Variants in THSD4 observed in about 807,000 individuals in gnomAD.
THSD4 encodes thrombospondin type 1 domain containing 4, also known as thrombospondin type-1 domain-containing protein 4.
A neutral mutation model predicts 119.0 loss-of-function variants in THSD4; 69 were observed. The ratio of observed to expected loss-of-function variants is 0.58; its 90% CI spans 0.48 to 0.71. The LOEUF is 0.71. Ranked by LOEUF, THSD4 falls within the 30% of genes least tolerant of loss-of-function variation. The pLI is 0.00. For missense variants in THSD4, 1,393 were observed against 1,391.1 expected, an observed-to-expected ratio of 1.00 and a Z score of -0.02; for synonymous variants, 524 against 540.4, an observed-to-expected ratio of 0.97 and a Z score of 0.42.
At chr15:71,171,772 C>G (rs1219806448) in intron 3 of THSD4, among the ~76,000 whole-genome samples, 4 of 152,086 alleles carry the variant, frequency 2.6e-5, no homozygotes, top group African/African-American at 9.7e-5. Flanking sequence ...AGGTGAAAAA[C>G]TTGTCCAATG....
At position 71,141,481 on chromosome 15, in the gene THSD4, G is replaced by T; in HGVS notation, c.-47G>T. On this transcript the variant is annotated 5_prime_UTR_variant, in exon 2 of 18. Coordinates refer to ENST00000261862, the MANE Select transcript of THSD4 (RefSeq NM_024817.3). ...ACGCAACTCCCAATTGCAGAAAATT[G>T]GCAACGTCTCTGAAGAGCCCTTGCT... The T allele has an allele frequency of 6.4e-7, 1 of 1,567,642 alleles. No individual in the cohort carries two copies. Among genetic ancestry groups the T allele is most frequent in the Non-Finnish European group, 8.6e-7 (1 of 1,159,348 alleles).
chr15:71,445,231 A>G (rs1213790042), intron 7 of THSD4, among the ~76,000 whole-genome samples: 1 of 152,014 alleles, frequency 6.6e-6, no homozygotes, highest in Non-Finnish European at 1.5e-5. Flanking sequence ...TCGTGCCCCA[A>G]ATAGACCTCT....
At chr15:71,575,213 G>T (rs1295211860) in intron 7 of THSD4, among the ~76,000 whole-genome samples, 1 of 152,084 alleles carries the variant, frequency 6.6e-6, no homozygotes, top group Non-Finnish European at 1.5e-5. Context: ...GGAAGCCAAT[G>T]GATTTCTCTC....
At chr15:71,097,784 T>C (rs2040237628) in intron 1 of THSD4, among the ~76,000 whole-genome samples, 1 of 151,626 alleles carries the variant, frequency 6.6e-6, no homozygotes, top group East Asian at 1.9e-4. Flanking sequence ...CAATCTGTAA[T>C]GTTCATTGCT....
In THSD4 at chr15:71,728,674, G is replaced by T; in HGVS notation, c.1483G>T (p.Gly495Ter). Residue 495 changes from glycine (G) to a stop codon, truncating the protein, a stop_gained, in exon 9 of 18, where the codon GGA becomes TGA. Coordinates refer to ENST00000261862, the MANE Select transcript of THSD4 (RefSeq NM_024817.3). LOFTEE classifies it high-confidence loss of function. ...TCCAAATGAGATTTCGAGCACTGCC[G>T]GAGAGTCCTTTTTGGCGGAAGGTCC... The part of the protein sequence containing the change: ...KRPNEISSTA[G>*]ESFLAEGPTN... 1 of 1,614,194 alleles carries T rather than the reference G, an allele frequency of 6.2e-7. No homozygotes were observed. The highest frequency in any genetic ancestry group is 8.5e-7 in the Non-Finnish European group (1 of 1,180,040).
intron 7 of THSD4, among the ~76,000 whole-genome samples, chr15:71,648,513 G>A (rs1184211376): frequency 6.6e-6 from 1 of 152,124 alleles, no homozygotes; most frequent in East Asian, 1.9e-4. Flanking sequence ...CCAAAAGAAA[G>A]CATTTTCTTT....
At chr15:71,171,729 A>G (rs2043365978) in intron 3 of THSD4, among the ~76,000 whole-genome samples, 1 of 152,232 alleles carries the variant, frequency 6.6e-6, no homozygotes, top group Non-Finnish European at 1.5e-5. Context: ...TATGACAGTA[A>G]TAGTATAAAT....
intron 8 of THSD4, among the ~76,000 whole-genome samples, chr15:71,725,533 A>G (rs2052815856): frequency 6.6e-6 from 1 of 152,148 alleles, no homozygotes; most frequent in African/African-American, 2.4e-5. Flanking sequence ...GAAAACAGAA[A>G]TGAGCAGCCT....
intron 7 of THSD4, among the ~76,000 whole-genome samples, chr15:71,441,397 A>ATTT (rs1215547880): frequency 0.012 from 864 of 73,316 alleles, 53 homozygotes; most frequent in African/African-American, 0.027. Context: ...CACCTGTAGA[A>ATTT]TTTTTTTTTT....
chr15:71,642,748 A>C (rs893110484), intron 7 of THSD4, among the ~76,000 whole-genome samples: 1 of 151,888 alleles, frequency 6.6e-6, no homozygotes, highest in African/African-American at 2.4e-5. Context: ...GGAATTGAAC[A>C]ATGAGATCAC....
intron 7 of THSD4, among the ~76,000 whole-genome samples, chr15:71,545,574 A>G (rs2140846946): frequency 6.6e-6 from 1 of 152,296 alleles, no homozygotes; most frequent in South Asian, 2.1e-4. Context: ...CTGGCTAGAC[A>G]ACACTCCTGG....
At chr15:71,173,290 A>C (rs999278094) in intron 3 of THSD4, among the ~76,000 whole-genome samples, 58 of 152,268 alleles carry the variant, frequency 3.8e-4, no homozygotes, top group African/African-American at 1.1e-3. Context: ...GAAAAAAATA[A>C]AGAACTTGGT....
At chr15:71,368,764 G>A (rs548530291) in intron 6 of THSD4, among the ~76,000 whole-genome samples, 1 of 152,302 alleles carries the variant, frequency 6.6e-6, no homozygotes, top group Admixed American at 6.5e-5. Flanking sequence ...TCTTGGCTAT[G>A]TGCGCTCTTT....
intron 6 of THSD4, among the ~76,000 whole-genome samples, chr15:71,405,168 C>T (rs1208245846): frequency 1.3e-5 from 2 of 152,178 alleles, no homozygotes; most frequent in Non-Finnish European, 2.9e-5. Context: ...GAATTACAGG[C>T]GTGAGCCACC....
At chr15:71,657,495 G>A (rs570174418) in intron 7 of THSD4, among the ~76,000 whole-genome samples, 1 of 152,316 alleles carries the variant, frequency 6.6e-6, no homozygotes, top group Non-Finnish European at 1.5e-5. Flanking sequence ...AATATGTGTT[G>A]TCTGCCTAGT....
intron 6 of THSD4, among the ~76,000 whole-genome samples, chr15:71,260,442 C>G (rs922199106): frequency 7.9e-5 from 12 of 152,106 alleles, no homozygotes; most frequent in African/African-American, 1.2e-4. Flanking sequence ...TCTCTCCCAC[C>G]CAGATTATGG....
intron 4 of THSD4, among the ~76,000 whole-genome samples, chr15:71,227,263 G>A (rs934757070): frequency 1.8e-4 from 28 of 152,186 alleles, no homozygotes; most frequent in African/African-American, 5.8e-4. Flanking sequence ...CACATTCGCC[G>A]TAAGAATGCT....
chr15:71,715,095 A>C (rs951279664), intron 8 of THSD4, among the ~76,000 whole-genome samples: 10 of 152,166 alleles, frequency 6.6e-5, no homozygotes, highest in Non-Finnish European at 7.3e-5. Flanking sequence ...ATTAAACAGG[A>C]ATTTGTTTAT....
intron 6 of THSD4, among the ~76,000 whole-genome samples, chr15:71,401,782 A>G (rs1358519113): frequency 6.6e-6 from 1 of 152,230 alleles, no homozygotes; most frequent in Non-Finnish European, 1.5e-5. Context: ...AATTCATGCT[A>G]CTATAAAGAC....
Sources: allele counts gnomAD v4.1 joint callset (sites outside exome capture counted in the v4.1 genomes callset), GRCh38; gene constraint gnomAD v4.1.1; transcripts MANE v1.5; gene names NCBI Gene and HGNC (gene_info 2026-07-23, HGNC 2026-07-21).